The following PLPP1 variants were observed in gnomAD, a reference collection of about 807,000 sequenced individuals.
The protein encoded by PLPP1 is lipid phosphate phosphohydrolase 1a.
A neutral mutation model predicts 31.2 loss-of-function variants in PLPP1; 24 were observed. The ratio of observed to expected loss-of-function variants is 0.77; its 90% CI spans 0.56 to 1.08. PLPP1 has a LOEUF of 1.08. PLPP1 is among the 50% of genes least tolerant of loss of function. The pLI is 0.00. For synonymous variants in PLPP1, 146 were observed against 126.3 expected (o/e 1.16, Z -1.05); for missense variants, 319 against 342.7 (o/e 0.93, Z 0.55).
At chr5:55,449,024 A>G (rs965260412) in intron 3 of PLPP1, among the ~76,000 whole-genome samples, 5 of 152,222 alleles carry the variant, frequency 3.3e-5, no homozygotes, top group African/African-American at 1.2e-4. Context: ...CGTTCAGTAC[A>G]GATGCAATTT....
In PLPP1 at chr5:55,475,287, G is replaced by T. The variant is rs755417085; in HGVS notation, c.210+12C>A. On this transcript the variant is annotated intron_variant, in intron 2 of 5. Transcript: ENST00000307259. ...CAAAAGTTATAAACTTGGAAAAGTG[G>T]ATTTAACTTACAACGATAATACTGA... 1.9e-6 allele frequency: 3 copies of T among 1,594,916 alleles called. No individual in the cohort carries two copies. The highest frequency in any genetic ancestry group is 1.8e-5 in the Admixed American group (1 of 56,106).
intron 1 of PLPP1, among the ~76,000 whole-genome samples, chr5:55,503,768 G>C (rs1361499278): frequency 7.0e-6 from 1 of 142,300 alleles, no homozygotes; most frequent in African/African-American, 2.6e-5. Flanking sequence ...AACAGAGAGA[G>C]GCTGTCTCAA....
chr5:55,503,687 CAG>C (rs1018034355), intron 1 of PLPP1, among the ~76,000 whole-genome samples: 1 of 150,188 alleles, frequency 6.7e-6, no homozygotes, highest in Admixed American at 6.7e-5. Context: ...GAGGCTGAAG[CAG>C]AATTGCTTGA....
chr5:55,528,862 A>G (rs866611935), intron 1 of PLPP1, among the ~76,000 whole-genome samples: 13 of 152,178 alleles, frequency 8.5e-5, no homozygotes, highest in Non-Finnish European at 4.4e-5. Context: ...ATCCACTCTT[A>G]GTCCTTTATT....
Position 55,424,981 on chromosome 5 carries a change from C to G in PLPP1, c.*225G>C. 1.5e-6 allele frequency: 1 copy of G among 660,806 alleles called. No individual in the cohort carries two copies. Among genetic ancestry groups the G allele is most frequent in the Non-Finnish European group, 2.5e-6 (1 of 399,736 alleles). 40.9% of individuals were successfully genotyped at this position (660,806 alleles called of 1,614,324 possible). ...AATAAAAATGTATACAGGTGGGGCA[C>G]TGTTTTGGTGGAAGGCTTGGAGTTT... On this transcript the variant is annotated 3_prime_UTR_variant, in exon 6 of 6. Transcript: ENST00000307259.
chr5:55,493,982 C>T (rs1752952037), intron 1 of PLPP1, among the ~76,000 whole-genome samples: 1 of 151,974 alleles, frequency 6.6e-6, no homozygotes, highest in African/African-American at 2.4e-5. Context: ...GAATTCGAGG[C>T]TACGGTGAGC....
intron 3 of PLPP1, among the ~76,000 whole-genome samples, chr5:55,444,743 T>TTGTGTGTGTG (rs1554037412): frequency 7.3e-5 from 10 of 137,268 alleles, no homozygotes; most frequent in African/African-American, 2.7e-4. Context: ...GGATTCTATT[T>TTGTGTGTGTG]TGTGTGTGTG....
At position 55,513,518 on chromosome 5, in the gene PLPP1, C is replaced by T. The variant is rs1420270398; in HGVS notation, c.58+21054G>A. Among the ~76,000 whole-genome samples the T allele has an allele frequency of 1.5e-4, 23 of 152,208 alleles. 1 individual carries two copies. The South Asian group carries it at 3.5e-3, about 23-fold the overall frequency. On this transcript the variant is annotated intron_variant, in intron 1 of 5. Coordinates refer to ENST00000307259, the MANE Select transcript of PLPP1 (RefSeq NM_003711.4). ...AACTCCTAACCCCAGGTGATCCGCC[C>T]GCCTTGGCCTCCCAAAGTGCTGGGA...
At chr5:55,512,219 C>T (rs1753430212) in intron 1 of PLPP1, among the ~76,000 whole-genome samples, 1 of 151,518 alleles carries the variant, frequency 6.6e-6, no homozygotes, top group Admixed American at 6.6e-5. Flanking sequence ...GCCTATAATC[C>T]CAGCAATTTG....
At chr5:55,464,107 A>G (rs1325268458) in intron 3 of PLPP1, among the ~76,000 whole-genome samples, 19 of 152,160 alleles carry the variant, frequency 1.2e-4, no homozygotes, top group Admixed American at 1.2e-3. Context: ...AATGGCTAAA[A>G]TAACAAAAAC....
At position 55,441,968 on chromosome 5, in the gene PLPP1, T is replaced by C; in HGVS notation, c.492-60A>G. On this transcript the variant is annotated intron_variant, in intron 3 of 5. Transcript: ENST00000307259. The stretch of plus-strand genomic sequence containing the variant: ...TCTTAGGAGCCAAAAGTATTGTTGA[T>C]TTCATAAATCTGCTCCTTAGTTTCA... The C allele has an allele frequency of 2.0e-6, 3 of 1,504,566 alleles. No individual in the cohort carries two copies. The South Asian group carries it at 3.4e-5, about 17-fold the overall frequency. 93.2% of individuals were successfully genotyped at this position (1,504,566 alleles called of 1,614,324 possible). A position where few individuals can be genotyped will look rare whatever the true frequency, so the allele number is the denominator to read the frequency against.
chr5:55,441,998 G>T, intron 3 of PLPP1, 90 bp from the exon 4 acceptor site: 1 of 1,229,470 alleles, frequency 8.1e-7, no homozygotes. Flanking sequence ...GTTTCAGAGT[G>T]TACACAACTG....
At chr5:55,530,391 G>C in intron 1 of PLPP1, 1 of 1,300,244 alleles carries the variant, frequency 7.7e-7, no homozygotes, top group Non-Finnish European at 1.1e-6. Context: ...ACGCTCTCTG[G>C]TAAAATTTGA....
intron 3 of PLPP1, among the ~76,000 whole-genome samples, chr5:55,458,427 A>G (rs1752068988): frequency 6.6e-6 from 1 of 152,154 alleles, no homozygotes. Context: ...TTAACCTTAA[A>G]AAAAAAAATT....
Position 55,488,764 on chromosome 5 carries a change from T to C in PLPP1, c.59-13314A>G, listed in dbSNP as rs192875111. Among the ~76,000 whole-genome samples, 575 of 152,332 alleles carry C rather than the reference T, an allele frequency of 3.8e-3. 4 individuals are homozygous for C. The highest frequency in any genetic ancestry group is 0.013 in the African/African-American group (545 of 41,578). ...TCAGGTAGTAGAACTAAGGGCTATTTATTTTCTCTTTCTACTTTATAATAA... is the reference window on the plus strand; with the variant it reads ...TCAGGTAGTAGAACTAAGGGCTATTCATTTTCTCTTTCTACTTTATAATAA... On this transcript the variant is annotated intron_variant, in intron 1 of 5. Transcript: ENST00000307259.
chr5:55,454,485 A>G (rs1751963574), intron 3 of PLPP1, among the ~76,000 whole-genome samples: 1 of 152,230 alleles, frequency 6.6e-6, no homozygotes, highest in African/African-American at 2.4e-5. Flanking sequence ...TAGCTGGTCC[A>G]GGCGAAGCTG....
chr5:55,473,478 A>G (rs145443294), intron 2 of PLPP1, among the ~76,000 whole-genome samples: 1,543 of 152,342 alleles, frequency 0.01, 18 homozygotes, highest in Middle Eastern at 0.031. Flanking sequence ...ACCACAAATT[A>G]CAAGTTAACT....
Position 55,453,076 on chromosome 5 carries a change from G to A in PLPP1, c.492-11168C>T, listed in dbSNP as rs112079563. On this transcript the variant is annotated intron_variant, in intron 3 of 5. Transcript: ENST00000307259. ...AGAATCTAAACTATTGAGTAATAAA[G>A]TTTTATTTAATTATCCAAGATAATC... Among the ~76,000 whole-genome samples, 1,053 of 152,108 alleles carry A rather than the reference G, an allele frequency of 6.9e-3. 15 individuals carry two copies. The highest frequency in any genetic ancestry group is 0.023 in the African/African-American group (939 of 41,470).
Position 55,435,968 on chromosome 5 carries a change from C to T in PLPP1, c.549+5883G>A, listed in dbSNP as rs1023332066. On this transcript the variant is annotated intron_variant, in intron 4 of 5. Transcript: ENST00000307259. The stretch of plus-strand genomic sequence containing the variant: ...GGCGGAGGTTGCAGTGAGCCGTGAT[C>T]ACACCACTGCCCTCCAGCCTGGGCG... Among the ~76,000 whole-genome samples, 4 of 145,908 alleles carry T rather than the reference C, an allele frequency of 2.7e-5. No homozygotes were observed. In the Admixed American group the frequency reaches 2.8e-4, roughly 10 times the overall value.
Sources: gnomAD v4.1 joint callset for allele counts (sites outside exome capture counted in the v4.1 genomes callset) on GRCh38, gnomAD v4.1.1 for gene constraint, MANE v1.5 for transcripts, NCBI Gene and HGNC (gene_info 2026-07-23, HGNC 2026-07-21) for gene names.